AKAP7: variants seen among roughly 807,000 people sequenced by gnomAD.
AKAP7 encodes the protein A-kinase anchoring protein 7, also known as A kinase (PRKA) anchor protein 7.
In AKAP7, 39 loss-of-function variants were observed where a neutral mutation model predicts 39.5. The ratio of observed to expected loss-of-function variants is 0.99; its 90% confidence interval spans 0.76 to 1.29. The LOEUF (loss-of-function observed/expected upper bound fraction) is 1.29, where lower values mean the gene tolerates loss of function less well. Ranked by LOEUF, AKAP7 falls within the 50% of genes most tolerant of loss-of-function variation. The probability of loss-of-function intolerance (pLI) is 0.00; values close to 1 mark genes in which losing one functional copy is unlikely to be tolerated. For synonymous variants in AKAP7, 140 were observed against 139.1 expected (o/e 1.01, Z -0.05); for missense variants, 414 against 407.7 (o/e 1.02, Z -0.13).
intron 6 of AKAP7, 38 bp downstream of exon 6, chr6:131,199,611 G>A (rs767828671): frequency 7.0e-7 from 1 of 1,429,678 alleles, no homozygotes; most frequent in Non-Finnish European, 9.8e-7. Context: ...GTTTTACCAG[G>A]CCACACCAGC....
chr6:131,139,829 CT>C, intron 1 of AKAP7, among the ~76,000 whole-genome samples: 1 of 152,186 alleles, frequency 6.6e-6, no homozygotes, highest in Non-Finnish European at 1.5e-5. Flanking sequence ...GTCCCTTTCA[CT>C]TTCAAAAGTG....
At chr6:131,135,887 C>T (rs1800493136) in intron 1 of AKAP7, 105 bp downstream of exon 1, 8 of 1,163,946 alleles carry the variant, frequency 6.9e-6, no homozygotes, top group East Asian at 3.3e-5. Flanking sequence ...CGCGCCGGCC[C>T]TTCTCCGAGT....
At chr6:131,211,305 T>G (rs543916037) in intron 6 of AKAP7, among the ~76,000 whole-genome samples, 1 of 152,352 alleles carries the variant, frequency 6.6e-6, no homozygotes, top group East Asian at 1.9e-4. Flanking sequence ...TTATTAGTCT[T>G]GAAGTGCTTC....
At chr6:131,203,899 G>A (rs979562417) in intron 6 of AKAP7, among the ~76,000 whole-genome samples, 1 of 152,140 alleles carries the variant, frequency 6.6e-6, no homozygotes, top group Non-Finnish European at 1.5e-5. Flanking sequence ...GGATATGCCA[G>A]TATTTCAAAG....
At chr6:131,260,757 G>C (rs766662617) in intron 7 of AKAP7, among the ~76,000 whole-genome samples, 2 of 152,070 alleles carry the variant, frequency 1.3e-5, no homozygotes, top group Non-Finnish European at 2.9e-5. Context: ...TAGGTTGTCT[G>C]TTCACTATGA....
chr6:131,142,488 A>G (rs1801130285), intron 1 of AKAP7, among the ~76,000 whole-genome samples: 1 of 152,230 alleles, frequency 6.6e-6, no homozygotes, highest in Non-Finnish European at 1.5e-5. Context: ...TTAAGCCTGC[A>G]GGTGCACAGA....
intron 7 of AKAP7, among the ~76,000 whole-genome samples, chr6:131,272,565 T>A (rs1814378383): frequency 6.6e-6 from 1 of 152,226 alleles, no homozygotes; most frequent in African/African-American, 2.4e-5. Flanking sequence ...TAATTTACGT[T>A]CAGTTAAAGG....
chr6:131,214,561 G>C (rs1273087964), intron 6 of AKAP7, among the ~76,000 whole-genome samples: 2 of 152,186 alleles, frequency 1.3e-5, no homozygotes, highest in Non-Finnish European at 2.9e-5. Flanking sequence ...AATATTAACA[G>C]TATAAGAAGC....
At chr6:131,147,911 G>A (rs972226188) in intron 2 of AKAP7, among the ~76,000 whole-genome samples, 9 of 152,174 alleles carry the variant, frequency 5.9e-5, no homozygotes, top group African/African-American at 2.2e-4. Flanking sequence ...TTCTACTAGC[G>A]ATGGAAAGCA....
intron 5 of AKAP7, chr6:131,184,310 A>G (rs1805594021): frequency 8.3e-6 from 5 of 602,570 alleles, no homozygotes; most frequent in Non-Finnish European, 1.6e-5. Flanking sequence ...GTCGGGGAGC[A>G]GGGGGGTGGC....
At chr6:131,169,417 T>C (rs1411030854) in intron 5 of AKAP7, 144 bp downstream of exon 5, 1 of 919,352 alleles carries the variant, frequency 1.1e-6, no homozygotes, top group African/African-American at 1.7e-5. Flanking sequence ...CAATCATAAG[T>C]CTGAAGGATT....
At chr6:131,184,163 C>G (rs1310127114) in intron 5 of AKAP7, among the ~76,000 whole-genome samples, 1 of 152,240 alleles carries the variant, frequency 6.6e-6, no homozygotes, top group African/African-American at 2.4e-5. Flanking sequence ...GTGGCCAGAG[C>G]TGCCACATCA....
intron 7 of AKAP7, among the ~76,000 whole-genome samples, chr6:131,245,524 G>A (rs1585167457): frequency 1.3e-5 from 2 of 151,272 alleles, no homozygotes; most frequent in South Asian, 2.1e-4. Context: ...ATGTCCATCC[G>A]ATTTTCTTCA....
At chr6:131,202,651 C>T (rs1347784951) in intron 6 of AKAP7, among the ~76,000 whole-genome samples, 4 of 150,820 alleles carry the variant, frequency 2.7e-5, no homozygotes, top group Non-Finnish European at 5.9e-5. Flanking sequence ...GGAGATATAC[C>T]TAACGCTAAA....
chr6:131,167,284 AT>A (rs1452991837), intron 4 of AKAP7, among the ~76,000 whole-genome samples: 3 of 152,192 alleles, frequency 2.0e-5, no homozygotes, highest in Admixed American at 2.0e-4. Context: ...AATCAGTGGC[AT>A]CTTATTAGCA....
chr6:131,245,098 G>GT (rs1386783352), intron 7 of AKAP7, among the ~76,000 whole-genome samples: 1 of 152,150 alleles, frequency 6.6e-6, no homozygotes, highest in Admixed American at 6.5e-5. Flanking sequence ...TATAGATAAA[G>GT]TTTTTTCGGT....
chr6:131,176,680 A>G (rs1053755814), intron 5 of AKAP7, among the ~76,000 whole-genome samples: 8 of 152,134 alleles, frequency 5.3e-5, no homozygotes, highest in Non-Finnish European at 1.2e-4. Context: ...TTTCATTTTG[A>G]CTGTCATTTC....
At chr6:131,182,023 G>A (rs908815773) in intron 5 of AKAP7, among the ~76,000 whole-genome samples, 5 of 151,952 alleles carry the variant, frequency 3.3e-5, no homozygotes, top group African/African-American at 1.2e-4. Context: ...CTGCTCAGGA[G>A]GCTGAGGCAG....
At position 131,145,473 on chromosome 6, in the gene AKAP7, A is replaced by T. The variant is rs1562861323; in HGVS notation, c.151+57A>T. On this transcript the variant is annotated intron_variant, in intron 2 of 7. Transcript: ENST00000431975. Reference sequence around the variant, plus strand: ...GAAGCAATGAGTAGTAAATTTAGTTATATATATATTTTTTTCTTTATAAGT... The same window carrying T: ...GAAGCAATGAGTAGTAAATTTAGTTTTATATATATTTTTTTCTTTATAAGT... 6.9e-6 allele frequency: 8 copies of T among 1,160,108 alleles called. No individual in the cohort carries two copies. The South Asian group carries it at 2.0e-4, about 29-fold the overall frequency. The allele number at this position is 1,160,108 out of a possible 1,614,324, so 71.9% of individuals were successfully genotyped here.
Sources: gnomAD v4.1 joint callset for allele counts (sites outside exome capture counted in the v4.1 genomes callset) on GRCh38, gnomAD v4.1.1 for gene constraint, MANE v1.5 for transcripts, NCBI Gene and HGNC (gene_info 2026-07-23, HGNC 2026-07-21) for gene names.